The following NOTCH2NLR variants were observed in gnomAD, a reference collection of about 807,000 sequenced individuals.
The protein encoded by NOTCH2NLR is notch 2 N-terminal like R.
Under a neutral mutation model 35.6 loss-of-function variants are expected in NOTCH2NLR, and 33 were observed. The ratio of observed to expected loss-of-function variants is 0.93; its 90% CI spans 0.70 to 1.24. The LOEUF (loss-of-function observed/expected upper bound fraction) is 1.24. Ranked by LOEUF, NOTCH2NLR falls within the 50% of genes most tolerant of loss-of-function variation. The pLI is 0.00. For missense variants in NOTCH2NLR, 276 were observed against 362.2 expected, an observed-to-expected ratio of 0.76 and a Z score of 1.93; for synonymous variants, 103 against 141.0, an observed-to-expected ratio of 0.73 and a Z score of 1.91.
At chr1:120,730,638 T>C (rs1257919372) in intron 1 of NOTCH2NLR, among the ~76,000 whole-genome samples, 3 of 113,092 alleles carry the variant, frequency 2.7e-5, no homozygotes, top group East Asian at 4.3e-4. Context: ...AGAACATACA[T>C]TGTGGTCTTA....
In NOTCH2NLR at chr1:120,770,386, G is replaced by C. The variant is rs1220931729; in HGVS notation, c.155+6677G>C. On this transcript the variant is annotated intron_variant, in intron 2 of 4. Coordinates refer to ENST00000624419, the Ensembl canonical transcript of NOTCH2NLR. ...GGGTTTCACTGTGTTAGCCAGGATG[G>C]TCTCTATCTCCTGACCTCATGATCT... 2.7e-5 allele frequency among the ~76,000 whole-genome samples: 3 copies of C among 110,858 alleles called. 1 individual carries two copies. Among genetic ancestry groups the C allele is most frequent in the Admixed American group, 2.6e-4 (3 of 11,694 alleles). The allele number at this position is 110,858 out of a possible 152,430, so 72.7% of individuals were successfully genotyped here. A position where few individuals can be genotyped will look rare whatever the true frequency, so the allele number is the denominator to read the frequency against.
At chr1:120,763,991 G>C (rs1340707804) in intron 2 of NOTCH2NLR, among the ~76,000 whole-genome samples, 1 of 114,536 alleles carries the variant, frequency 8.7e-6, no homozygotes, top group Non-Finnish European at 1.7e-5. Flanking sequence ...GCTCATGCTG[G>C]TAATCCCAGC....
intron 3 of NOTCH2NLR, among the ~76,000 whole-genome samples, chr1:120,789,987 G>T (rs1651465568): frequency 2.6e-5 from 2 of 77,628 alleles, no homozygotes; most frequent in South Asian, 7.5e-4. Flanking sequence ...TCTTCTTGGT[G>T]TGTTCTGCAA....
intron 1 of NOTCH2NLR, among the ~76,000 whole-genome samples, chr1:120,760,431 C>T (rs1455195103): frequency 3.1e-5 from 4 of 128,396 alleles, no homozygotes; most frequent in Admixed American, 7.6e-5. Context: ...CCTCAGCCGC[C>T]CAAAGTGCTG....
chr1:120,756,509 G>GA (rs1272569177), intron 1 of NOTCH2NLR, among the ~76,000 whole-genome samples: 1 of 116,826 alleles, frequency 8.6e-6, no homozygotes, highest in African/African-American at 5.0e-5. Flanking sequence ...AGAAGGATAT[G>GA]AAAAAAATCA....
chr1:120,793,131 C>G, intron 3 of NOTCH2NLR, 30 bp from the exon 4 acceptor site: 1 of 979,108 alleles, frequency 1.0e-6, no homozygotes, highest in South Asian at 1.4e-5. Context: ...TTTCTGTGGC[C>G]AGTACTGAGT....
At chr1:120,730,492 G>A (rs1650863766) in intron 1 of NOTCH2NLR, among the ~76,000 whole-genome samples, 1 of 79,642 alleles carries the variant, frequency 1.3e-5, no homozygotes, top group Non-Finnish European at 2.2e-5. Context: ...GAAGAAGGAA[G>A]TGGCTTCAGA....
At position 120,733,113 on chromosome 1, in the gene NOTCH2NLR, TTA is replaced by T. The variant is rs1257251313; in HGVS notation, c.73+8881_73+8882del. Among the ~76,000 whole-genome samples, 5 of 85,046 alleles carry T rather than the reference TTA, an allele frequency of 5.9e-5. 1 individual carries two copies. The highest frequency in any genetic ancestry group is 5.4e-3 in the Middle Eastern group (1 of 184). The allele number at this position is 85,046 out of a possible 152,430, so 55.8% of individuals were successfully genotyped here. A position where few individuals can be genotyped will look rare whatever the true frequency, so the allele number is the denominator to read the frequency against. ...ATTTAGAAAAGCTGTTGATTTATTT[TTA>T]TATATATATATATATATGTTTAGTT... On this transcript the variant is annotated intron_variant, in intron 1 of 4. Transcript: ENST00000624419.
In NOTCH2NLR at chr1:120,793,821, G is replaced by T. The variant is rs1156913851; in HGVS notation, c.*1G>T. On this transcript the variant is annotated 3_prime_UTR_variant, in exon 5 of 5. Coordinates refer to ENST00000624419, the Ensembl canonical transcript of NOTCH2NLR. ...TCTGGAATGGAAAAGAACACGATGAGAATTAGACACTGGAAAATATGTATG... is the reference window on the plus strand; with the variant it reads ...TCTGGAATGGAAAAGAACACGATGATAATTAGACACTGGAAAATATGTATG... The T allele has an allele frequency of 4.2e-4, 387 of 910,890 alleles. 137 individuals carry two copies. The African/African-American group carries it at 0.013, about 30-fold the overall frequency. 56.4% of individuals were successfully genotyped at this position (910,890 alleles called of 1,614,324 possible).
At chr1:120,770,681 AT>A (rs1220484568) in intron 2 of NOTCH2NLR, among the ~76,000 whole-genome samples, 1 of 120,302 alleles carries the variant, frequency 8.3e-6, no homozygotes, top group Non-Finnish European at 1.6e-5. Context: ...TTCACTCAAG[AT>A]CCCATCACTC....
intron 1 of NOTCH2NLR, among the ~76,000 whole-genome samples, chr1:120,729,707 C>T (rs2101345464): frequency 8.5e-6 from 1 of 117,298 alleles, no homozygotes; most frequent in South Asian, 2.5e-4. Flanking sequence ...AGCAGTGTTT[C>T]CCTAACTTCT....
rs1438833059 is a variant in NOTCH2NLR, at chr1:120,724,445, T to C, written c.73+195T>C. 1.1e-4 allele frequency among the ~76,000 whole-genome samples: 13 copies of C among 120,256 alleles called. 3 individuals carry two copies. The highest frequency in any genetic ancestry group is 6.0e-4 in the African/African-American group (13 of 21,722). The allele number at this position is 120,256 out of a possible 152,430, so 78.9% of individuals were successfully genotyped here. ...CGTGGTGCCCCGCCAACCGCTGGGG[T>C]TCCCCGCCGCCTCTGCTCCCCGCGG... On this transcript the variant is annotated intron_variant, in intron 1 of 4. Coordinates refer to ENST00000624419, the Ensembl canonical transcript of NOTCH2NLR.
Position 120,790,535 on chromosome 1 carries a change from CCTTTCTTTCTTTCTTT to C in NOTCH2NLR, c.416-2583_416-2568del, listed in dbSNP as rs1189272610. Among the ~76,000 whole-genome samples the C allele has an allele frequency of 1.6e-3, 125 of 76,714 alleles. 28 individuals carry two copies. Among genetic ancestry groups the C allele is most frequent in the African/African-American group, 5.2e-3 (54 of 10,444 alleles). The allele number at this position is 76,714 out of a possible 152,430, so 50.3% of individuals were successfully genotyped here. On this transcript the variant is annotated intron_variant, in intron 3 of 4. Coordinates refer to ENST00000624419, the Ensembl canonical transcript of NOTCH2NLR. ...TTGATTCTTTCTTTCTTTCTCCCTCCCTTTCTTTCTTTCTTTCTTTCTTTCTTTCTTTCTTTCTTTC... is the reference window on the plus strand; with the variant it reads ...TTGATTCTTTCTTTCTTTCTCCCTCCCTTTCTTTCTTTCTTTCTTTCTTTC...
chr1:120,727,119 C>T (rs1291611904), intron 1 of NOTCH2NLR, among the ~76,000 whole-genome samples: 2 of 107,122 alleles, frequency 1.9e-5, no homozygotes, highest in Non-Finnish European at 3.5e-5. Flanking sequence ...TCCTCCCTAC[C>T]TCTCCCATTA....
intron 2 of NOTCH2NLR, among the ~76,000 whole-genome samples, chr1:120,765,668 G>T (rs1174401528): frequency 1.1e-5 from 1 of 93,706 alleles, no homozygotes; most frequent in African/African-American, 5.5e-5. Context: ...CTACTATAAG[G>T]ACACATGCAC....
At chr1:120,745,120 C>CAA (rs1180453854) in intron 1 of NOTCH2NLR, among the ~76,000 whole-genome samples, 1 of 36,566 alleles carries the variant, frequency 2.7e-5, no homozygotes, top group Admixed American at 3.1e-4. Flanking sequence ...ATCCTGTCTC[C>CAA]AAAAAAAAAA....
intron 2 of NOTCH2NLR, among the ~76,000 whole-genome samples, chr1:120,780,376 G>C (rs1381561068): frequency 1.2e-5 from 1 of 82,510 alleles, no homozygotes; most frequent in Non-Finnish European, 2.3e-5. Context: ...CAGGTTTACA[G>C]CAGATTTTTG....
chr1:120,785,197 G>A (rs1651412083), exon 3 of NOTCH2NLR: 3 of 1,445,336 alleles, frequency 2.1e-6, no homozygotes, highest in South Asian at 1.2e-5. Context: ...GCTCAGCCGG[G>A]ATACCTATGA....
exon 1 of NOTCH2NLR, chr1:120,724,151 G>A: frequency 3.4e-6 from 2 of 584,856 alleles, no homozygotes; most frequent in Admixed American, 3.2e-5. Flanking sequence ...GGCGGCGGCG[G>A]AGGAGGAGGA....
Sources: allele counts gnomAD v4.1 joint callset (sites outside exome capture counted in the v4.1 genomes callset), GRCh38; gene constraint gnomAD v4.1.1; transcripts MANE v1.5; gene names NCBI Gene and HGNC (gene_info 2026-07-23, HGNC 2026-07-21).